PARVG: variants seen among roughly 807,000 people sequenced by gnomAD.
PARVG encodes parvin gamma.
A neutral mutation model predicts 44.4 loss-of-function variants in PARVG; 36 were observed. The observed-to-expected ratio is 0.81, with a 90% CI of 0.62 to 1.07. The LOEUF (loss-of-function observed/expected upper bound fraction) is 1.07. PARVG is among the 50% of genes least tolerant of loss of function. PARVG has a pLI of 0.00. For synonymous variants in PARVG, 170 were observed against 174.1 expected, an observed-to-expected ratio of 0.98 and a Z score of 0.19; for missense variants, 407 against 407.4, an observed-to-expected ratio of 1.00 and a Z score of 0.01.
chr22:44,175,073 G>C (rs2054306334), intron 1 of PARVG, among the ~76,000 whole-genome samples: 1 of 152,268 alleles, frequency 6.6e-6, no homozygotes, highest in South Asian at 2.1e-4. Flanking sequence ...AGTAAGCTGA[G>C]ACTGCACCAT....
At chr22:44,177,643 C>T (rs544333520), upstream of PARVG, among the ~76,000 whole-genome samples, 9 of 152,098 alleles carry the variant, frequency 5.9e-5, no homozygotes, top group Admixed American at 1.3e-4. Flanking sequence ...TATGCGTTTT[C>T]GGTAGAAGTG....
chr22:44,176,612 A>G (rs1339993282), upstream of PARVG, among the ~76,000 whole-genome samples: 1 of 151,502 alleles, frequency 6.6e-6, no homozygotes, highest in Non-Finnish European at 1.5e-5. Flanking sequence ...TCGTGCACTT[A>G]GAGTGATATT....
At chr22:44,205,225 TTGAGCGCTTTCTGTCTCGTGAGCTCCAG>T (rs1012592223) in intron 12 of PARVG, among the ~76,000 whole-genome samples, 15 of 152,220 alleles carry the variant, frequency 9.9e-5, no homozygotes, top group African/African-American at 3.6e-4. Flanking sequence ...CAGACCTGGT[TTGAGCGCTTTCTGTCTCGTGAGCTCCAG>T]TGAGCCCCTT....
intron 12 of PARVG, among the ~76,000 whole-genome samples, chr22:44,200,561 G>T (rs1200385850): frequency 6.6e-6 from 1 of 152,188 alleles, no homozygotes; most frequent in African/African-American, 2.4e-5. Context: ...CTGGTGGCGT[G>T]CCCAGGATCC....
chr22:44,197,506 C>T (rs2054634664), intron 11 of PARVG, among the ~76,000 whole-genome samples: 1 of 152,192 alleles, frequency 6.6e-6, no homozygotes, highest in Non-Finnish European at 1.5e-5. Context: ...AACCACCTCA[C>T]ATGGTGGCCA....
intron 6 of PARVG, among the ~76,000 whole-genome samples, chr22:44,189,939 G>C (rs758299357): frequency 2.0e-5 from 3 of 152,042 alleles, no homozygotes; most frequent in Non-Finnish European, 4.4e-5. Flanking sequence ...AAAACCAAGA[G>C]AGCGTGCCAA....
At chr22:44,198,832 G>A (rs576727873) in intron 12 of PARVG, 110 bp downstream of exon 12, 6 of 843,580 alleles carry the variant, frequency 7.1e-6, no homozygotes, top group Admixed American at 4.1e-5. Context: ...AGGGTGTAGG[G>A]GAAGCTTATT....
chr22:44,191,722 G>A (rs1284918240), intron 7 of PARVG, among the ~76,000 whole-genome samples: 1 of 152,110 alleles, frequency 6.6e-6, no homozygotes, highest in Non-Finnish European at 1.5e-5. Flanking sequence ...TAAAACCATT[G>A]ATTATAATTC....
chr22:44,189,671 C>G (rs933891567), intron 6 of PARVG, among the ~76,000 whole-genome samples: 5 of 152,172 alleles, frequency 3.3e-5, no homozygotes, highest in African/African-American at 1.2e-4. Flanking sequence ...AATCCCAGCA[C>G]TTTGGGAGGC....
In PARVG at chr22:44,189,187, A is replaced by C. The variant is rs756681534; in HGVS notation, c.321A>C (p.Thr107=). The C allele has an allele frequency of 6.2e-6, 10 of 1,614,122 alleles. No individual in the cohort carries two copies. In the African/African-American group the frequency reaches 1.2e-4, roughly 19 times the overall value. The stretch of plus-strand genomic sequence containing the variant: ...CCACAAGCCAGAAGCACAAGCTCAC[A>C]GTGGTGCTGGAGGCCGTGAACCGGA... The part of the protein sequence containing the change: ...LTATSQKHKL[T]VVLEAVNRSL... Residue 107 remains threonine (T), a synonymous_variant, in exon 6 of 14, where the codon ACA becomes ACC. Transcript: ENST00000444313.
At chr22:44,175,505 G>A (rs1397273038) in intron 1 of PARVG, among the ~76,000 whole-genome samples, 1 of 152,246 alleles carries the variant, frequency 6.6e-6, no homozygotes, top group African/African-American at 2.4e-5. Context: ...GGTTTTCCGT[G>A]GAAACCCACT....
At chr22:44,193,940 T>C in intron 9 of PARVG, 117 bp downstream of exon 9, 1 of 1,325,150 alleles carries the variant, frequency 7.5e-7, no homozygotes, top group Non-Finnish European at 1.1e-6. Flanking sequence ...ACTTGCTGTT[T>C]GTATCTCAAG....
At chr22:44,180,501 C>T (rs79400708), upstream of PARVG, among the ~76,000 whole-genome samples, 458 of 152,284 alleles carry the variant, frequency 3.0e-3, no homozygotes, top group East Asian at 6.4e-3. Flanking sequence ...CTGCTACACA[C>T]GCCCCAGCAA....
intron 8 of PARVG, 47 bp from the exon 9 acceptor site, chr22:44,193,754 G>A (rs575950429): frequency 3.1e-6 from 5 of 1,604,426 alleles, no homozygotes; most frequent in African/African-American, 1.3e-5. Context: ...GGTTTGCGGG[G>A]TGTTTTTTTT....
intron 9 of PARVG, among the ~76,000 whole-genome samples, chr22:44,195,932 C>G (rs2054611170): frequency 6.6e-6 from 1 of 152,178 alleles, no homozygotes; most frequent in South Asian, 2.1e-4. Flanking sequence ...CTGCAACAAC[C>G]CCAGCTAGGG....
chr22:44,194,448 C>T (rs977739223), intron 9 of PARVG, among the ~76,000 whole-genome samples: 1 of 152,174 alleles, frequency 6.6e-6, no homozygotes, highest in Non-Finnish European at 1.5e-5. Flanking sequence ...TCCATCCTTT[C>T]TTCCATTCAT....
chr22:44,197,775 C>T (rs139447411), intron 11 of PARVG, among the ~76,000 whole-genome samples: 65 of 152,232 alleles, frequency 4.3e-4, no homozygotes, highest in Middle Eastern at 3.4e-3. Flanking sequence ...GTGAGCCCCA[C>T]GTGTTTGGTA....
chr22:44,195,100 G>A (rs2054601194), intron 9 of PARVG, among the ~76,000 whole-genome samples: 1 of 152,180 alleles, frequency 6.6e-6, no homozygotes, highest in Non-Finnish European at 1.5e-5. Context: ...GAGAATGGGG[G>A]CTGAGGAAGG....
At chr22:44,191,923 A>G in intron 7 of PARVG, 126 bp from the exon 8 acceptor site, 1 of 1,079,514 alleles carries the variant, frequency 9.3e-7, no homozygotes, top group Non-Finnish European at 1.4e-6. Context: ...ACTCCTGGGG[A>G]AGAAAGACAA....
Sources: gnomAD v4.1 joint callset for allele counts (sites outside exome capture counted in the v4.1 genomes callset) on GRCh38, gnomAD v4.1.1 for gene constraint, MANE v1.5 for transcripts, NCBI Gene and HGNC (gene_info 2026-07-23, HGNC 2026-07-21) for gene names.